The following PTPRD variants were observed in gnomAD, a reference collection of about 807,000 sequenced individuals.
The protein encoded by PTPRD is receptor-type tyrosine-protein phosphatase delta.
In PTPRD, 34 loss-of-function variants were observed where a neutral mutation model predicts 214.5. The observed-to-expected ratio is 0.16, with a 90% CI of 0.12 to 0.21. The LOEUF (loss-of-function observed/expected upper bound fraction) is 0.21, where lower values mean the gene tolerates loss of function less well. Ranked by LOEUF, PTPRD falls within the 10% of genes least tolerant of loss-of-function variation. The pLI is 1.00. For missense variants in PTPRD, 2,545 were observed against 2,398.7 expected (o/e 1.06, Z -1.27); for synonymous variants, 1,128 against 845.7 (o/e 1.33, Z -5.79).
At chr9:8,896,647 AT>A (rs1474830786) in intron 11 of PTPRD, among the ~76,000 whole-genome samples, 19 of 152,222 alleles carry the variant, frequency 1.2e-4, no homozygotes, top group African/African-American at 4.6e-4. Context: ...TTCTGAGATA[AT>A]ATCATCCCAT....
intron 30 of PTPRD, among the ~76,000 whole-genome samples, chr9:8,473,032 G>A (rs1203449978): frequency 6.6e-6 from 1 of 152,198 alleles, no homozygotes; most frequent in African/African-American, 2.4e-5. Flanking sequence ...CTACTGGCTA[G>A]TATGAACATC....
At chr9:10,347,462 G>C (rs2097105940) in intron 2 of PTPRD, among the ~76,000 whole-genome samples, 2 of 147,428 alleles carry the variant, frequency 1.4e-5, no homozygotes, top group African/African-American at 5.1e-5. Flanking sequence ...CCAGGCTGGA[G>C]TGCAACGGCA....
At chr9:10,158,366 T>A (rs1051401781) in intron 3 of PTPRD, among the ~76,000 whole-genome samples, 1 of 152,230 alleles carries the variant, frequency 6.6e-6, no homozygotes, top group African/African-American at 2.4e-5. Flanking sequence ...AGTTTTACCA[T>A]GTTTAATTTT....
chr9:8,317,712 C>A lies in PTPRD; in HGVS notation c.*162G>T. 1.8e-6 allele frequency: 1 copy of A among 551,736 alleles called. No homozygotes were observed. The highest frequency in any genetic ancestry group is 3.1e-5 in the South Asian group (1 of 32,048). The allele number at this position is 551,736 out of a possible 1,614,324, so 34.2% of individuals were successfully genotyped here. ...TATTAAACTGTGAATTCTTGGTCCA[C>A]CTGGAATAATTTGTTTTTAATTTGT... On this transcript the variant is annotated 3_prime_UTR_variant, in exon 46 of 46. Coordinates refer to ENST00000381196, the MANE Select transcript of PTPRD (RefSeq NM_002839.4).
intron 2 of PTPRD, among the ~76,000 whole-genome samples, chr9:10,582,589 G>A (rs900525843): frequency 4.6e-5 from 7 of 152,164 alleles, no homozygotes; most frequent in Non-Finnish European, 1.0e-4. Flanking sequence ...TATCTGGGAT[G>A]ACTAGCCATC....
chr9:9,375,060 AT>A (rs1236092270), intron 9 of PTPRD, among the ~76,000 whole-genome samples: 1 of 152,184 alleles, frequency 6.6e-6, no homozygotes, highest in Non-Finnish European at 1.5e-5. Flanking sequence ...ACATAGGTCT[AT>A]AACCAAACTC....
At chr9:10,360,983 T>C (rs1436675827) in intron 2 of PTPRD, among the ~76,000 whole-genome samples, 5 of 151,922 alleles carry the variant, frequency 3.3e-5, no homozygotes, top group East Asian at 1.9e-4. Flanking sequence ...GCGCCTGTAG[T>C]CCCAGCTACT....
Position 8,966,219 on chromosome 9 carries a change from A to C in PTPRD, c.-104+52478T>G, listed in dbSNP as rs147792808. ...TCAATGCTATTCCTATCAAATTTCC[A>C]ACATCATTTTTCACATAATTGGAAA... On this transcript the variant is annotated intron_variant, in intron 11 of 45. Transcript: ENST00000381196. Among the ~76,000 whole-genome samples the C allele has an allele frequency of 2.1e-3, 325 of 152,224 alleles. 1 individual carries two copies. Among genetic ancestry groups the C allele is most frequent in the Non-Finnish European group, 2.8e-3 (189 of 67,994 alleles).
At chr9:10,187,141 T>C (rs2099337445) in intron 3 of PTPRD, among the ~76,000 whole-genome samples, 1 of 152,206 alleles carries the variant, frequency 6.6e-6, no homozygotes, top group African/African-American at 2.4e-5. Context: ...ACTTCTTAAT[T>C]TGATTGCCTG....
intron 7 of PTPRD, among the ~76,000 whole-genome samples, chr9:9,734,111 T>C (rs2098249794): frequency 6.6e-6 from 1 of 152,216 alleles, no homozygotes; most frequent in South Asian, 2.1e-4. Flanking sequence ...AGCATTGTAC[T>C]ACTGAAAAAC....
chr9:9,240,102 A>G (rs2099969629), intron 9 of PTPRD, among the ~76,000 whole-genome samples: 1 of 152,200 alleles, frequency 6.6e-6, no homozygotes, highest in Non-Finnish European at 1.5e-5. Flanking sequence ...AGTAAATTCA[A>G]TAAGATATAA....
chr9:9,405,122 C>T (rs893118118), intron 8 of PTPRD, among the ~76,000 whole-genome samples: 1 of 152,058 alleles, frequency 6.6e-6, no homozygotes, highest in Non-Finnish European at 1.5e-5. Context: ...CATTTCCTCC[C>T]AATTCCTTTC....
At chr9:9,107,253 A>T (rs570339328) in intron 10 of PTPRD, among the ~76,000 whole-genome samples, 1 of 152,270 alleles carries the variant, frequency 6.6e-6, no homozygotes, top group African/African-American at 2.4e-5. Flanking sequence ...GATTCTGAAG[A>T]TACTTGCTGC....
At chr9:8,987,047 T>G (rs1043255178) in intron 11 of PTPRD, among the ~76,000 whole-genome samples, 4 of 152,136 alleles carry the variant, frequency 2.6e-5, no homozygotes, top group Non-Finnish European at 5.9e-5. Context: ...AAATAAACCA[T>G]AAACACATGT....
At chr9:9,222,477 T>A (rs1459774168) in intron 9 of PTPRD, among the ~76,000 whole-genome samples, 1 of 152,086 alleles carries the variant, frequency 6.6e-6, no homozygotes, top group Non-Finnish European at 1.5e-5. Flanking sequence ...AAAAATTTAT[T>A]CCATAATGTC....
intron 3 of PTPRD, among the ~76,000 whole-genome samples, chr9:10,051,522 C>T (rs940567731): frequency 2.6e-5 from 4 of 151,828 alleles, no homozygotes; most frequent in Non-Finnish European, 4.4e-5. Flanking sequence ...CATATGTATA[C>T]GTGTGCCATG....
chr9:9,323,665 T>C (rs541818873), intron 9 of PTPRD, among the ~76,000 whole-genome samples: 1 of 152,188 alleles, frequency 6.6e-6, no homozygotes, highest in South Asian at 2.1e-4. Context: ...CTGATTTCTC[T>C]TAGGCAGTTC....
chr9:8,441,818 T>G (rs2095556398), intron 34 of PTPRD, among the ~76,000 whole-genome samples: 1 of 152,170 alleles, frequency 6.6e-6, no homozygotes, highest in African/African-American at 2.4e-5. Flanking sequence ...GTCATCATTA[T>G]CAGCAGAACT....
chr9:9,668,337 T>A (rs1003045694), intron 7 of PTPRD, among the ~76,000 whole-genome samples: 4 of 152,170 alleles, frequency 2.6e-5, no homozygotes, highest in African/African-American at 4.8e-5. Flanking sequence ...AAATAAAAAA[T>A]TTCAAAGGAT....
Sources: gnomAD v4.1 joint callset for allele counts (sites outside exome capture counted in the v4.1 genomes callset) on GRCh38, gnomAD v4.1.1 for gene constraint, MANE v1.5 for transcripts, NCBI Gene and HGNC (gene_info 2026-07-23, HGNC 2026-07-21) for gene names.